The following SCPEP1 variants were observed in gnomAD, a reference collection of about 807,000 sequenced individuals.
SCPEP1 encodes the protein serine carboxypeptidase 1, also known as retinoid-inducible serine carboxypeptidase.
Under a neutral mutation model 63.8 loss-of-function variants are expected in SCPEP1, and 51 were observed. That is an observed-to-expected ratio of 0.80 (90% CI 0.64 to 1.01). The LOEUF (loss-of-function observed/expected upper bound fraction) is 1.01. Ranked by LOEUF, SCPEP1 falls within the 50% of genes least tolerant of loss-of-function variation. The probability of loss-of-function intolerance (pLI) is 0.00; values close to 1 mark genes in which losing one functional copy is unlikely to be tolerated. For synonymous variants in SCPEP1, 204 were observed against 207.8 expected, an observed-to-expected ratio of 0.98 and a Z score of 0.16; for missense variants, 499 against 554.9, an observed-to-expected ratio of 0.90 and a Z score of 1.01.
intron 8 of SCPEP1, among the ~76,000 whole-genome samples, chr17:56,996,237 G>C (rs187152425): frequency 6.6e-6 from 1 of 150,922 alleles, no homozygotes; most frequent in Non-Finnish European, 1.5e-5. Context: ...TTATTTTTGA[G>C]ACACTCGCCC....
At chr17:57,001,165 C>T (rs67794111) in intron 11 of SCPEP1, among the ~76,000 whole-genome samples, 173 bp downstream of exon 11, 36,099 of 152,070 alleles carry the variant, frequency 0.24, 4,998 homozygotes, top group Admixed American at 0.33. Flanking sequence ...TGGGGAGCTG[C>T]ACGTGGCTGT....
At chr17:56,996,209 A>G (rs908640824) in intron 8 of SCPEP1, among the ~76,000 whole-genome samples, 6 of 148,328 alleles carry the variant, frequency 4.0e-5, no homozygotes, top group Non-Finnish European at 7.4e-5. Context: ...TTTTTCCTCT[A>G]TTTATTTATT....
chr17:56,998,199 T>C (rs921480286), intron 9 of SCPEP1, 186 bp from the exon 10 acceptor site: 2 of 482,398 alleles, frequency 4.1e-6, no homozygotes, highest in African/African-American at 2.0e-5. Flanking sequence ...TAGTTCCAGC[T>C]ACTCGGGAGG....
At chr17:56,992,032 A>C (rs576067766) in intron 6 of SCPEP1, among the ~76,000 whole-genome samples, 72 of 152,348 alleles carry the variant, frequency 4.7e-4, no homozygotes, top group Non-Finnish European at 9.3e-4. Context: ...GCCTAGGGGC[A>C]AAGGAGGGAA....
Position 56,978,171 on chromosome 17 carries a change from A to G in SCPEP1, c.12A>G (p.Ala4=). The G allele has an allele frequency of 1.3e-6, 2 of 1,493,936 alleles. No homozygotes were observed. Among genetic ancestry groups the G allele is most frequent in the Non-Finnish European group, 1.8e-6 (2 of 1,094,394 alleles). 92.5% of individuals were successfully genotyped at this position (1,493,936 alleles called of 1,614,324 possible). The part of the protein sequence containing the change: MEL[A]LRRSPVPRWL... The stretch of plus-strand genomic sequence containing the variant: ...GTGCGGTACTTGTCATGGAGCTGGC[A>G]CTGCGGCGCTCTCCCGTCCCGCGGT... Residue 4 remains alanine (A), a synonymous_variant, in exon 1 of 13, where the codon GCA becomes GCG. Coordinates refer to ENST00000262288, the MANE Select transcript of SCPEP1 (RefSeq NM_021626.3).
intron 7 of SCPEP1, 77 bp from the exon 8 acceptor site, chr17:56,995,430 C>G (rs1412106010): frequency 1.3e-6 from 2 of 1,495,480 alleles, no homozygotes; most frequent in African/African-American, 2.8e-5. Context: ...CTTTCTCCTA[C>G]CCCTCCCTAA....
chr17:57,003,892 C>T (rs1311894262), intron 12 of SCPEP1, among the ~76,000 whole-genome samples: 1 of 152,030 alleles, frequency 6.6e-6, no homozygotes. Context: ...AGAAAGCAGC[C>T]CACTCTCAAA....
chr17:56,993,273 CAT>C (rs2144493294), intron 6 of SCPEP1, among the ~76,000 whole-genome samples: 1 of 152,282 alleles, frequency 6.6e-6, no homozygotes, highest in South Asian at 2.1e-4. Flanking sequence ...TCCATAGACA[CAT>C]GTGGCTATTA....
intron 6 of SCPEP1, among the ~76,000 whole-genome samples, chr17:56,994,631 A>G (rs1911491636): frequency 6.6e-6 from 1 of 152,232 alleles, no homozygotes; most frequent in Non-Finnish European, 1.5e-5. Context: ...TAAGCTGTCA[A>G]AAGGCCTAGA....
chr17:56,998,265 C>T (rs545485243), intron 9 of SCPEP1, 120 bp from the exon 10 acceptor site: 11 of 630,502 alleles, frequency 1.7e-5, no homozygotes, highest in Admixed American at 5.5e-5. Flanking sequence ...GAGCCGAGAT[C>T]GTGCCACTGC....
At chr17:56,997,919 TC>T (rs1911617038) in intron 9 of SCPEP1, 1 of 161,284 alleles carries the variant, frequency 6.2e-6, no homozygotes, top group South Asian at 1.7e-4. Flanking sequence ...GTTTCTGACT[TC>T]CTTCCTCCCG....
At chr17:56,984,935 C>CA (rs1911170322) in intron 2 of SCPEP1, 1 of 177,828 alleles carries the variant, frequency 5.6e-6, no homozygotes, top group Admixed American at 5.5e-5. Context: ...CTCACCTCTA[C>CA]AAAAAATACA....
intron 11 of SCPEP1, among the ~76,000 whole-genome samples, chr17:57,001,327 C>T (rs541888710): frequency 3.9e-5 from 6 of 152,192 alleles, no homozygotes; most frequent in South Asian, 2.1e-4. Context: ...CATTTTTGTG[C>T]GACATCACAG....
intron 2 of SCPEP1, chr17:56,985,110 A>AAAAGG (rs1911176901): frequency 2.0e-6 from 1 of 494,024 alleles, no homozygotes; most frequent in South Asian, 2.5e-5. Context: ...GTCTGAAAAG[A>AAAAGG]AAAGAAAAGA....
chr17:56,980,173 G>A (rs1442111892), intron 1 of SCPEP1, among the ~76,000 whole-genome samples: 2 of 152,120 alleles, frequency 1.3e-5, no homozygotes, highest in African/African-American at 4.8e-5. Context: ...GGAGTGCACT[G>A]GTGTGATCAC....
chr17:56,990,341 GTTTTT>G (rs200804204), intron 5 of SCPEP1, among the ~76,000 whole-genome samples: 1 of 151,886 alleles, frequency 6.6e-6, no homozygotes, highest in African/African-American at 2.4e-5. Context: ...TTAAATAAGG[GTTTTT>G]TTTAAGATTT....
chr17:57,005,044 C>T (rs932953437), intron 12 of SCPEP1, among the ~76,000 whole-genome samples: 4 of 152,228 alleles, frequency 2.6e-5, no homozygotes, highest in Admixed American at 6.5e-5. Flanking sequence ...CGGTCTCTAC[C>T]TACAATGCTG....
intron 4 of SCPEP1, 139 bp from the exon 5 acceptor site, chr17:56,988,076 CA>C (rs1252290594): frequency 2.6e-6 from 2 of 761,148 alleles, no homozygotes; most frequent in Non-Finnish European, 4.2e-6. Flanking sequence ...ACGCAATAAT[CA>C]GATATGGAGT....
In SCPEP1 at chr17:56,978,180, C is replaced by T. The variant is rs1910968275; in HGVS notation, c.21C>T (p.Arg7=). The T allele has an allele frequency of 1.3e-6, 2 of 1,553,140 alleles. No homozygotes were observed. Among genetic ancestry groups the T allele is most frequent in the African/African-American group, 1.4e-5 (1 of 73,352 alleles). ...TTGTCATGGAGCTGGCACTGCGGCG[C>T]TCTCCCGTCCCGCGGTGGTTGCTGC... MELALR[R]SPVPRWLLLL... is the part of the protein sequence containing the mutation. The change falls in exon 1 of 13, where the codon CGC becomes CGT. Residue 7 remains arginine, a synonymous_variant. Transcript: ENST00000262288.
Sources: gnomAD v4.1 joint callset for allele counts (sites outside exome capture counted in the v4.1 genomes callset) on GRCh38, gnomAD v4.1.1 for gene constraint, MANE v1.5 for transcripts, NCBI Gene and HGNC (gene_info 2026-07-23, HGNC 2026-07-21) for gene names.